The following NRXN3 variants were observed in gnomAD, a reference collection of about 807,000 sequenced individuals.
NRXN3 encodes the protein neurexin 3, also known as neurexin III.
In NRXN3, 32 loss-of-function variants were observed where a neutral mutation model predicts 137.6. The observed-to-expected ratio is 0.23, with a 90% CI of 0.18 to 0.31. The LOEUF is 0.31. NRXN3 is among the 10% of genes least tolerant of loss of function. NRXN3 has a pLI of 1.00. For missense variants in NRXN3, 1,574 were observed against 2,062.5 expected, an observed-to-expected ratio of 0.76 and a Z score of 4.59; for synonymous variants, 798 against 784.5, an observed-to-expected ratio of 1.02 and a Z score of -0.29.
At chr14:79,599,185 A>G (rs959178918) in intron 16 of NRXN3, among the ~76,000 whole-genome samples, 2 of 152,160 alleles carry the variant, frequency 1.3e-5, no homozygotes, top group Non-Finnish European at 2.9e-5. Flanking sequence ...ACTCCTAACA[A>G]TGGAGCCACA....
At chr14:78,876,907 T>TA (rs1313682331) in intron 10 of NRXN3, among the ~76,000 whole-genome samples, 1 of 152,182 alleles carries the variant, frequency 6.6e-6, no homozygotes. Flanking sequence ...AGCTATATTG[T>TA]AAAAAACCAT....
intron 19 of NRXN3, among the ~76,000 whole-genome samples, chr14:79,705,443 A>G (rs999510822): frequency 1.3e-5 from 2 of 152,190 alleles, no homozygotes; most frequent in African/African-American, 4.8e-5. Context: ...ATGCAATTGC[A>G]AGCTTAGATT....
chr14:78,951,026 A>G (rs571207501), intron 10 of NRXN3, among the ~76,000 whole-genome samples: 72 of 152,192 alleles, frequency 4.7e-4, no homozygotes, highest in Non-Finnish European at 8.5e-4. Flanking sequence ...CCTACTACCA[A>G]TTCACCTCCC....
intron 19 of NRXN3, among the ~76,000 whole-genome samples, chr14:79,722,186 C>T (rs2098846938): frequency 6.6e-6 from 1 of 152,058 alleles, no homozygotes; most frequent in Non-Finnish European, 1.5e-5. Context: ...CCCCTCCTCT[C>T]CATCATCACT....
intron 16 of NRXN3, among the ~76,000 whole-genome samples, chr14:79,621,270 G>C (rs1262478000): frequency 6.6e-6 from 1 of 152,104 alleles, no homozygotes; most frequent in Non-Finnish European, 1.5e-5. Context: ...AACTATGCCG[G>C]GCACTTTTGT....
chr14:79,264,150 A>G (rs1353682936), intron 15 of NRXN3, among the ~76,000 whole-genome samples: 4 of 151,954 alleles, frequency 2.6e-5, no homozygotes, highest in Non-Finnish European at 5.9e-5. Flanking sequence ...TGCAGTGGTG[A>G]CTCACATGGC....
intron 16 of NRXN3, among the ~76,000 whole-genome samples, chr14:79,510,653 TAG>T (rs1204248857): frequency 6.6e-6 from 1 of 152,178 alleles, no homozygotes; most frequent in Non-Finnish European, 1.5e-5. Context: ...AGGGTAGATT[TAG>T]AGACACTTCC....
intron 16 of NRXN3, among the ~76,000 whole-genome samples, chr14:79,542,313 C>A (rs1396755335): frequency 6.6e-6 from 1 of 152,156 alleles, no homozygotes; most frequent in Non-Finnish European, 1.5e-5. Flanking sequence ...TAAGAATGAG[C>A]ATGCCTAAAA....
chr14:79,713,017 C>T (rs564722920), intron 19 of NRXN3, among the ~76,000 whole-genome samples: 11 of 152,198 alleles, frequency 7.2e-5, no homozygotes, highest in East Asian at 3.9e-4. Flanking sequence ...TCACCCTTGA[C>T]GATAATTTGC....
intron 16 of NRXN3, among the ~76,000 whole-genome samples, chr14:79,583,596 T>A (rs1408277350): frequency 6.6e-6 from 1 of 152,182 alleles, no homozygotes; most frequent in East Asian, 1.9e-4. Context: ...TGAATCACTG[T>A]TCCCTTCTTT....
intron 16 of NRXN3, among the ~76,000 whole-genome samples, chr14:79,592,692 A>C (rs2153822766): frequency 6.6e-6 from 1 of 152,286 alleles, no homozygotes; most frequent in African/African-American, 2.4e-5. Context: ...TCACTTTCTT[A>C]AGTAAAGAAA....
intron 1 of NRXN3, among the ~76,000 whole-genome samples, chr14:78,222,590 G>C (rs1344263620): frequency 6.6e-6 from 1 of 152,200 alleles, no homozygotes; most frequent in African/African-American, 2.4e-5. Flanking sequence ...CTCTGGCAGG[G>C]TGTTGGGAAC....
intron 16 of NRXN3, among the ~76,000 whole-genome samples, chr14:79,590,083 G>A (rs563138220): frequency 2.0e-5 from 3 of 152,048 alleles, no homozygotes; most frequent in Admixed American, 6.5e-5. Context: ...TTTGTACAAC[G>A]AGGGCCAGTG....
At chr14:79,300,865 C>T (rs949357976) in intron 15 of NRXN3, among the ~76,000 whole-genome samples, 1 of 151,976 alleles carries the variant, frequency 6.6e-6, no homozygotes, top group African/African-American at 2.4e-5. Flanking sequence ...AAAGTGATAA[C>T]TGAGTTGGAC....
intron 4 of NRXN3, among the ~76,000 whole-genome samples, chr14:78,518,724 A>G (rs4903777): frequency 0.3 from 45,555 of 151,998 alleles, 8,382 homozygotes; most frequent in Admixed American, 0.38. Context: ...TCTGCTATAA[A>G]ATGGTGAGAT....
intron 15 of NRXN3, among the ~76,000 whole-genome samples, chr14:79,398,055 A>G (rs748937512): frequency 1.3e-5 from 2 of 152,214 alleles, no homozygotes; most frequent in Non-Finnish European, 2.9e-5. Context: ...TGCATTCATC[A>G]GCTTCCATCA....
At chr14:78,190,418 C>T (rs1194597059) in intron 1 of NRXN3, among the ~76,000 whole-genome samples, 1 of 152,198 alleles carries the variant, frequency 6.6e-6, no homozygotes, top group Admixed American at 6.5e-5. Flanking sequence ...GAAAGAACCA[C>T]TGTGACAGCC....
intron 4 of NRXN3, among the ~76,000 whole-genome samples, chr14:78,433,625 G>A (rs1356066688): frequency 6.6e-6 from 1 of 152,158 alleles, no homozygotes; most frequent in African/African-American, 2.4e-5. Context: ...CTGATGAAAG[G>A]ATGAGTTTAG....
intron 19 of NRXN3, among the ~76,000 whole-genome samples, chr14:79,800,690 G>T (rs1042979050): frequency 3.3e-5 from 5 of 152,160 alleles, no homozygotes; most frequent in African/African-American, 9.7e-5. Flanking sequence ...TCAAAGAAGT[G>T]TGCCTTTTCT....
Sources: gnomAD v4.1 joint callset for allele counts (sites outside exome capture counted in the v4.1 genomes callset) on GRCh38, gnomAD v4.1.1 for gene constraint, MANE v1.5 for transcripts, NCBI Gene and HGNC (gene_info 2026-07-23, HGNC 2026-07-21) for gene names.